TFEC: variants seen among roughly 807,000 people sequenced by gnomAD.
TFEC encodes the protein class E basic helix-loop-helix protein 34.
Under a neutral mutation model 41.6 loss-of-function variants are expected in TFEC, and 31 were observed. The ratio of observed to expected loss-of-function variants is 0.74; its 90% CI spans 0.56 to 1.01. The LOEUF (loss-of-function observed/expected upper bound fraction) is 1.01. Ranked by LOEUF, TFEC falls within the 50% of genes least tolerant of loss-of-function variation. The pLI is 0.00. For missense variants in TFEC, 402 were observed against 404.1 expected (o/e 0.99, Z 0.04); for synonymous variants, 143 against 140.6 (o/e 1.02, Z -0.12).
At chr7:116,036,716 T>C (rs957082264) in intron 3 of TFEC, among the ~76,000 whole-genome samples, 2 of 151,986 alleles carry the variant, frequency 1.3e-5, no homozygotes, top group East Asian at 3.9e-4. Flanking sequence ...ATCTAATCAA[T>C]TTTTAAAGAT....
At chr7:116,108,594 C>T (rs772635495) in intron 3 of TFEC, among the ~76,000 whole-genome samples, 16 of 152,084 alleles carry the variant, frequency 1.1e-4, no homozygotes, top group Non-Finnish European at 1.9e-4. Context: ...TTTAGATGTA[C>T]ACTGAGAGCA....
chr7:116,132,962 G>A (rs906141064), intron 1 of TFEC, among the ~76,000 whole-genome samples: 1 of 151,908 alleles, frequency 6.6e-6, no homozygotes, highest in Non-Finnish European at 1.5e-5. Flanking sequence ...TCAATACATT[G>A]TCAACTTTGT....
rs1798394131 is a variant in TFEC, at chr7:116,134,339, T to TAAGAATAAA, written c.-68-22310_-68-22302dup. On this transcript the variant is annotated intron_variant, in intron 1 of 8. Coordinates refer to the TFEC transcript ENST00000484212. ...CTGTTCTCATGCTAGATATAAAAAA[T>TAAGAATAAA]AAGAATAAAAAGAAAGAGGGAAGGA... Among the ~76,000 whole-genome samples, 3 of 152,104 alleles carry TAAGAATAAA rather than the reference T, an allele frequency of 2.0e-5. No individual in the cohort carries two copies. The East Asian group carries it at 5.8e-4, about 29-fold the overall frequency.
chr7:116,082,971 A>T (rs1275508851), intron 3 of TFEC, among the ~76,000 whole-genome samples: 1 of 151,960 alleles, frequency 6.6e-6, no homozygotes, highest in Non-Finnish European at 1.5e-5. Context: ...CAATTGAAAC[A>T]TCAACAATAA....
rs538129862 is a variant in TFEC, at chr7:115,984,754, C to T, written c.-72-241G>A. ...CTAACCAGTTTTTTTAAATGAGTAG[C>T]CCTAAAAATTAGGAATAAATATAAA... On this transcript the variant is annotated intron_variant, in intron 1 of 7. Transcript: ENST00000265440. 2.2e-4 allele frequency among the ~76,000 whole-genome samples: 33 copies of T among 151,912 alleles called. 1 individual carries two copies. The East Asian group carries it at 6.2e-3, about 29-fold the overall frequency.
At chr7:116,017,632 A>G (rs979077638) in intron 1 of TFEC, among the ~76,000 whole-genome samples, 1 of 152,032 alleles carries the variant, frequency 6.6e-6, no homozygotes, top group African/African-American at 2.4e-5. Flanking sequence ...TCTCTCTCCT[A>G]TGCCTACTGT....
chr7:116,096,128 TC>T (rs899229913), intron 3 of TFEC, among the ~76,000 whole-genome samples: 15 of 152,158 alleles, frequency 9.9e-5, no homozygotes, highest in Non-Finnish European at 1.5e-5. Flanking sequence ...CAGGACTTTT[TC>T]CCAGATACTT....
intron 3 of TFEC, among the ~76,000 whole-genome samples, chr7:115,971,703 A>T (rs1793142892): frequency 6.6e-6 from 1 of 152,072 alleles, no homozygotes; most frequent in Non-Finnish European, 1.5e-5. Context: ...TAAATTAATC[A>T]GAAACTTCCT....
chr7:116,065,093 C>T (rs1796663331), intron 3 of TFEC, among the ~76,000 whole-genome samples: 1 of 152,130 alleles, frequency 6.6e-6, no homozygotes. Flanking sequence ...ACAGCCAGGC[C>T]ACTACTCTTC....
At chr7:115,967,577 A>G (rs2130545752) in intron 3 of TFEC, among the ~76,000 whole-genome samples, 1 of 151,930 alleles carries the variant, frequency 6.6e-6, no homozygotes, top group South Asian at 2.1e-4. Context: ...TTGCTACTAA[A>G]GCAGAGGTAT....
chr7:116,053,655 A>T (rs1178068316), intron 3 of TFEC, among the ~76,000 whole-genome samples: 1 of 152,214 alleles, frequency 6.6e-6, no homozygotes, highest in African/African-American at 2.4e-5. Flanking sequence ...TTTTAAGAAC[A>T]GAAAGAGAGA....
Position 115,940,740 on chromosome 7 carries a change from A to C in TFEC, c.855T>G (p.Pro285=), listed in dbSNP as rs1218459708. The change falls in exon 8 of 8, where the codon CCT becomes CCG. Residue 285 remains proline, a synonymous_variant. Coordinates refer to ENST00000265440, the MANE Select transcript of TFEC (RefSeq NM_012252.4). The stretch of plus-strand genomic sequence containing the variant: ...ATGATAAATCTGTGAAGTATGACAA[A>C]GGATCAGAAAAGGCTATAGCTTGAT... The part of the protein sequence containing the change: ...LCDQAIAFSD[P]LSYFTDLSFS... 1 of 1,613,392 alleles carries C rather than the reference A, an allele frequency of 6.2e-7. No homozygotes were observed. The highest frequency in any genetic ancestry group is 8.5e-7 in the Non-Finnish European group (1 of 1,179,626).
chr7:115,955,295 T>C lies in TFEC; in HGVS notation c.383-653A>G, dbSNP rs915178990. On this transcript the variant is annotated intron_variant, in intron 4 of 7. Transcript: ENST00000265440. The stretch of plus-strand genomic sequence containing the variant: ...ACATTAAATAAATAAGGCTGACCTG[T>C]GAAGCCACTAGCTTGTTGTGGAAAT... Among the ~76,000 whole-genome samples the C allele has an allele frequency of 2.0e-5, 3 of 152,064 alleles. No homozygotes were observed. The East Asian group carries it at 5.8e-4, about 29-fold the overall frequency.
chr7:116,010,655 G>T (rs1794966248), intron 1 of TFEC, among the ~76,000 whole-genome samples: 1 of 152,132 alleles, frequency 6.6e-6, no homozygotes, highest in Admixed American at 6.5e-5. Context: ...ATTGAAGGAA[G>T]AACCTACTTA....
intron 1 of TFEC, among the ~76,000 whole-genome samples, chr7:116,150,492 A>G (rs1798738128): frequency 6.6e-6 from 1 of 152,156 alleles, no homozygotes; most frequent in Admixed American, 6.5e-5. Context: ...TGGAGAAACT[A>G]GAACTATAAT....
intron 1 of TFEC, among the ~76,000 whole-genome samples, chr7:116,029,980 C>G (rs1795734964): frequency 6.6e-6 from 1 of 151,930 alleles, no homozygotes; most frequent in Admixed American, 6.6e-5. Context: ...GCAGGAGAAT[C>G]ACTTCAACCC....
At chr7:115,991,790 C>T (rs552147445) in intron 1 of TFEC, among the ~76,000 whole-genome samples, 1 of 152,290 alleles carries the variant, frequency 6.6e-6, no homozygotes, top group South Asian at 2.1e-4. Flanking sequence ...CAACATTAGA[C>T]AGATCAACAA....
intron 1 of TFEC, among the ~76,000 whole-genome samples, chr7:116,013,673 T>A (rs887740363): frequency 6.6e-6 from 1 of 152,136 alleles, no homozygotes; most frequent in Non-Finnish European, 1.5e-5. Context: ...CTTTCAACTG[T>A]AAGTTACTTA....
intron 1 of TFEC, among the ~76,000 whole-genome samples, chr7:116,145,617 T>C (rs1798626102): frequency 6.6e-6 from 1 of 152,186 alleles, no homozygotes; most frequent in East Asian, 1.9e-4. Flanking sequence ...TTTTGATTTG[T>C]TGAGGGACCT....
Sources: gnomAD v4.1 joint callset for allele counts (sites outside exome capture counted in the v4.1 genomes callset) on GRCh38, gnomAD v4.1.1 for gene constraint, MANE v1.5 for transcripts, NCBI Gene and HGNC (gene_info 2026-07-23, HGNC 2026-07-21) for gene names.